The following ABCA13 variants were observed in gnomAD, a reference collection of about 807,000 sequenced individuals.
The protein encoded by ABCA13 is ATP-binding cassette sub-family A member 13.
In ABCA13, 476 loss-of-function variants were observed where a neutral mutation model predicts 478.7. That is an observed-to-expected ratio of 0.99 (90% confidence interval 0.92 to 1.07). ABCA13 has a LOEUF of 1.07. Ranked by LOEUF, ABCA13 falls within the 50% of genes least tolerant of loss-of-function variation. The probability of loss-of-function intolerance (pLI) is 0.00; values close to 1 mark genes in which losing one functional copy is unlikely to be tolerated. For synonymous variants in ABCA13, 2,252 were observed against 2,158.9 expected, an observed-to-expected ratio of 1.04 and a Z score of -1.20; for missense variants, 6,060 against 5,910.6, an observed-to-expected ratio of 1.03 and a Z score of -0.83.
rs2129071346 is a variant in ABCA13, at chr7:48,401,610, C to G, written c.11874-2073C>G. 2.0e-5 allele frequency among the ~76,000 whole-genome samples: 3 copies of G among 152,242 alleles called. No individual in the cohort carries two copies. The South Asian group carries it at 6.2e-4, about 32-fold the overall frequency. On this transcript the variant is annotated intron_variant, in intron 38 of 61. Coordinates refer to ENST00000435803, the MANE Select transcript of ABCA13 (RefSeq NM_152701.5). ...CCTACCTTTATACCCAATATGCAAC[C>G]AGCACCTATGATGCTATAGACCATT...
intron 55 of ABCA13, among the ~76,000 whole-genome samples, chr7:48,564,497 A>G (rs563224748): frequency 6.7e-6 from 1 of 149,548 alleles, no homozygotes; most frequent in Non-Finnish European, 1.5e-5. Flanking sequence ...ACCTGTGCTC[A>G]CATAGGAATT....
chr7:48,171,592 G>A (rs1458633534), intron 1 of ABCA13, 40 bp downstream of exon 1: 1 of 1,531,752 alleles, frequency 6.5e-7, no homozygotes, highest in East Asian at 2.4e-5. Context: ...TTCCAGTGAG[G>A]TCTGGAGCAA....
At chr7:48,369,769 G>C (rs910391270) in intron 32 of ABCA13, among the ~76,000 whole-genome samples, 8 of 152,220 alleles carry the variant, frequency 5.3e-5, no homozygotes, top group Admixed American at 5.2e-4. Flanking sequence ...TTTTATACCA[G>C]TACCATGCTA....
In ABCA13 at chr7:48,248,377, G is replaced by A; in HGVS notation, c.1798G>A (p.Gly600Arg). 2 of 1,613,686 alleles carry A rather than the reference G, an allele frequency of 1.2e-6. No homozygotes were observed. The highest frequency in any genetic ancestry group is 1.7e-6 in the Non-Finnish European group (2 of 1,179,710). ...CTGTACTCGGCTCTTCCTGCTGCTG[G>A]GAGCTGATCCCTCTCCTGAGAATGA... Reference protein sequence around the residue: ...LSCTRLFLLLGADPSPENDVF... With the variant: ...LSCTRLFLLLRADPSPENDVF... Residue 600 changes from glycine to arginine, a missense_variant, in exon 14 of 62, where the codon GGA becomes AGA. Gly to Arg is a moderately radical substitution (Grantham distance 125). Around this residue, in one of 3 missense-constraint regions of ABCA13, gnomAD observed 4,423 missense variants for 4,309.1 expected, o/e 1.03. Transcript: ENST00000435803.
intron 45 of ABCA13, among the ~76,000 whole-genome samples, chr7:48,475,810 A>C (rs1441531034): frequency 6.6e-6 from 1 of 152,088 alleles, no homozygotes; most frequent in African/African-American, 2.4e-5. Context: ...CTCCAAACCT[A>C]CAAAAAGGTT....
chr7:48,501,823 C>T (rs1369522989), intron 48 of ABCA13, among the ~76,000 whole-genome samples: 1 of 152,130 alleles, frequency 6.6e-6, no homozygotes, highest in Non-Finnish European at 1.5e-5. Flanking sequence ...CATTGCGGCT[C>T]ATTGTAGAGG....
At chr7:48,442,678 G>A (rs1283283630) in intron 42 of ABCA13, among the ~76,000 whole-genome samples, 1 of 152,174 alleles carries the variant, frequency 6.6e-6, no homozygotes, top group African/African-American at 2.4e-5. Flanking sequence ...TGGAGAGTTT[G>A]TTACAACACA....
chr7:48,232,958 C>T (rs538308307), intron 7 of ABCA13, among the ~76,000 whole-genome samples: 1 of 152,140 alleles, frequency 6.6e-6, no homozygotes, highest in Admixed American at 6.5e-5. Context: ...GTGAGACCTC[C>T]CATGGTGTAT....
rs759035063 is a variant in ABCA13 at position 48,314,389 on chromosome 7, T to G, written c.9839T>G (p.Phe3280Cys). Residue 3280 changes from phenylalanine to cysteine, a missense_variant, in exon 26 of 62, where the codon TTC becomes TGC. By Grantham distance (205) the Phe-to-Cys change is radical. Coordinates refer to ENST00000435803, the MANE Select transcript of ABCA13 (RefSeq NM_152701.5). The part of the protein sequence containing the change: ...KELLEDDKEK[F>C]NIPEDSTPFC... ...CTCTTGGAAGATGACAAAGAAAAAT[T>G]CAACATTCCTGAAGATTCAAGTAAG... 7.5e-6 allele frequency: 12 copies of G among 1,595,906 alleles called. No homozygotes were observed. The highest frequency in any genetic ancestry group is 3.5e-5 in the Admixed American group (2 of 57,006).
intron 42 of ABCA13, among the ~76,000 whole-genome samples, chr7:48,441,417 C>G (rs886873401): frequency 3.3e-5 from 5 of 152,232 alleles, no homozygotes; most frequent in Admixed American, 6.5e-5. Flanking sequence ...CACCCCTTCT[C>G]TCTACAGATG....
chr7:48,254,470 A>G (rs1369637360), intron 15 of ABCA13, among the ~76,000 whole-genome samples: 1 of 152,040 alleles, frequency 6.6e-6, no homozygotes, highest in Non-Finnish European at 1.5e-5. Flanking sequence ...GGGTCTTGCT[A>G]TATTGCCCAG....
rs1040582092 is a variant in ABCA13, at chr7:48,281,255, T to C, written c.8727-88T>C. ...AGGGAGGGAGGATGGTTCTTACATG[T>C]GTGTTATAACTTAACCTACACAGTA... On this transcript the variant is annotated intron_variant, in intron 18 of 61. Coordinates refer to ENST00000435803, the MANE Select transcript of ABCA13 (RefSeq NM_152701.5). 10 of 1,040,002 alleles carry C rather than the reference T, an allele frequency of 9.6e-6. No individual in the cohort carries two copies. The Admixed American group carries it at 1.0e-4, about 10-fold the overall frequency. 64.4% of individuals were successfully genotyped at this position (1,040,002 alleles called of 1,614,324 possible). A position where few individuals can be genotyped will look rare whatever the true frequency, so the allele number is the denominator to read the frequency against.
intron 31 of ABCA13, among the ~76,000 whole-genome samples, chr7:48,357,939 C>G (rs966961855): frequency 6.6e-6 from 1 of 151,422 alleles, no homozygotes; most frequent in Non-Finnish European, 1.5e-5. Flanking sequence ...GTCAGGAATT[C>G]GAGACCAGCC....
At chr7:48,383,224 A>T (rs1198393560) in intron 35 of ABCA13, among the ~76,000 whole-genome samples, 1 of 152,198 alleles carries the variant, frequency 6.6e-6, no homozygotes, top group African/African-American at 2.4e-5. Context: ...ATTGCAAGAA[A>T]CTGGTGACTC....
chr7:48,293,202 CG>C (rs67499431), intron 20 of ABCA13, among the ~76,000 whole-genome samples: 3,161 of 136,768 alleles, frequency 0.023, 242 homozygotes, highest in African/African-American at 0.069. Flanking sequence ...GCCCCCCCCC[CG>C]CCACACACAC....
At chr7:48,473,794 TA>T (rs1465718060) in intron 45 of ABCA13, among the ~76,000 whole-genome samples, 47 of 152,332 alleles carry the variant, frequency 3.1e-4, no homozygotes, top group Admixed American at 5.9e-4. Flanking sequence ...ATTCCTCAGA[TA>T]AAAAGTTTTT....
intron 1 of ABCA13, among the ~76,000 whole-genome samples, chr7:48,180,787 A>G (rs1422378484): frequency 2.0e-5 from 3 of 152,116 alleles, no homozygotes. Flanking sequence ...TTGTAGTCCC[A>G]GTTACTAGGG....
rs139346108 is a variant in ABCA13, at chr7:48,627,593, A to G, written c.14837+12216A>G. 5.5e-3 allele frequency among the ~76,000 whole-genome samples: 841 copies of G among 152,294 alleles called. 11 individuals are homozygous for G. The highest frequency in any genetic ancestry group is 0.02 in the African/African-American group (816 of 41,560). On this transcript the variant is annotated intron_variant, in intron 59 of 61. Coordinates refer to ENST00000435803, the MANE Select transcript of ABCA13 (RefSeq NM_152701.5). Reference sequence around the variant, plus strand: ...CAGTGGAGATAATAATACGTATTTTATAGTATTTTGAAAAGAAATGGAGGA... The same window carrying G: ...CAGTGGAGATAATAATACGTATTTTGTAGTATTTTGAAAAGAAATGGAGGA...
intron 29 of ABCA13, among the ~76,000 whole-genome samples, chr7:48,345,711 T>C (rs1462985146): frequency 6.6e-6 from 1 of 152,200 alleles, no homozygotes; most frequent in African/African-American, 2.4e-5. Context: ...CTAAGGTTAA[T>C]TTATTTTTGA....
Sources: gnomAD v4.1 joint callset for allele counts (sites outside exome capture counted in the v4.1 genomes callset) on GRCh38, gnomAD v4.1.1 for gene constraint, gnomAD v4.1.1 regional missense constraint, MANE v1.5 for transcripts, NCBI Gene and HGNC (gene_info 2026-07-23, HGNC 2026-07-21) for gene names.